The following PPM1L variants were observed in gnomAD, a reference collection of about 807,000 sequenced individuals.
PPM1L encodes protein phosphatase 1L.
A neutral mutation model predicts 31.4 loss-of-function variants in PPM1L; 13 were observed. The observed-to-expected ratio is 0.41, with a 90% confidence interval of 0.27 to 0.66. The LOEUF is 0.66. Ranked by LOEUF, PPM1L falls within the 30% of genes least tolerant of loss-of-function variation. The pLI is 0.29. For missense variants in PPM1L, 326 were observed against 453.7 expected, an observed-to-expected ratio of 0.72 and a Z score of 2.56; for synonymous variants, 184 against 175.4, an observed-to-expected ratio of 1.05 and a Z score of -0.39.
In PPM1L at chr3:160,794,749, T is replaced by TA. The variant is rs1313489718; in HGVS notation, c.399+38046dup. ...AAGAAGAATTGTCTTGGGCCACACA[T>TA]AAAATACGCTAACATGATAGCTGGT... On this transcript the variant is annotated intron_variant, in intron 1 of 3. Coordinates refer to ENST00000498165, the MANE Select transcript of PPM1L (RefSeq NM_139245.4). Among the ~76,000 whole-genome samples the TA allele has an allele frequency of 5.9e-5, 9 of 152,102 alleles. No homozygotes were observed. The East Asian group carries it at 1.7e-3, about 29-fold the overall frequency.
intron 1 of PPM1L, among the ~76,000 whole-genome samples, chr3:160,909,618 A>C (rs1172554609): frequency 6.6e-6 from 1 of 152,070 alleles, no homozygotes; most frequent in Non-Finnish European, 1.5e-5. Flanking sequence ...TTAAGGAGGG[A>C]GTTTAGCGTG....
At position 161,002,458 on chromosome 3, in the gene PPM1L, C is replaced by T. The variant is rs370351063; in HGVS notation, c.574+40548C>T. 5.0e-3 allele frequency among the ~76,000 whole-genome samples: 760 copies of T among 152,182 alleles called. 6 individuals are homozygous for T. The highest frequency in any genetic ancestry group is 0.014 in the Middle Eastern group (4 of 294). ...AACTAGTTTACAGTCCCACCAACAG[C>T]GTAAAAGTGTTCCTATTTCTCCACA... On this transcript the variant is annotated intron_variant, in intron 2 of 3. Transcript: ENST00000498165.
At chr3:160,782,911 T>C (rs1048307267) in intron 1 of PPM1L, among the ~76,000 whole-genome samples, 1 of 152,244 alleles carries the variant, frequency 6.6e-6, no homozygotes. Context: ...TGTGTTATTC[T>C]TTATTTTAAT....
chr3:160,915,566 G>A (rs1714139687), intron 1 of PPM1L, among the ~76,000 whole-genome samples: 1 of 152,126 alleles, frequency 6.6e-6, no homozygotes, highest in Non-Finnish European at 1.5e-5. Flanking sequence ...CTACTTTAAA[G>A]TTCATATGGA....
At chr3:160,764,858 G>A (rs1284199646) in intron 1 of PPM1L, among the ~76,000 whole-genome samples, 2 of 152,112 alleles carry the variant, frequency 1.3e-5, no homozygotes, top group Non-Finnish European at 2.9e-5. Context: ...TTACTCAACT[G>A]CTTCCTTATT....
chr3:160,853,065 G>A (rs2108114597), intron 1 of PPM1L, among the ~76,000 whole-genome samples: 1 of 152,220 alleles, frequency 6.6e-6, no homozygotes, highest in African/African-American at 2.4e-5. Context: ...GGTAGCTTCT[G>A]GCATTCCTTG....
intron 2 of PPM1L, among the ~76,000 whole-genome samples, chr3:160,985,423 T>G (rs887971303): frequency 2.0e-5 from 3 of 152,252 alleles, no homozygotes; most frequent in African/African-American, 7.2e-5. Context: ...CATTAACATG[T>G]GGTTGGACCA....
chr3:160,766,303 G>T (rs1560101706), intron 1 of PPM1L, among the ~76,000 whole-genome samples: 1 of 152,064 alleles, frequency 6.6e-6, no homozygotes, highest in African/African-American at 2.4e-5. Context: ...TCTGGGTCTG[G>T]GTCCCCACCG....
intron 1 of PPM1L, among the ~76,000 whole-genome samples, chr3:160,844,604 A>AGT (rs935195744): frequency 6.6e-5 from 10 of 152,080 alleles, no homozygotes; most frequent in African/African-American, 2.4e-4. Flanking sequence ...GCAGAGGAAA[A>AGT]GTTTTTAATC....
intron 2 of PPM1L, among the ~76,000 whole-genome samples, chr3:161,019,396 C>T (rs1266042151): frequency 6.6e-6 from 1 of 152,100 alleles, no homozygotes; most frequent in Non-Finnish European, 1.5e-5. Flanking sequence ...TAGGGTCTCA[C>T]TATGTTGTCC....
intron 1 of PPM1L, among the ~76,000 whole-genome samples, chr3:160,841,263 A>G (rs1014069729): frequency 6.6e-6 from 1 of 152,092 alleles, no homozygotes; most frequent in Admixed American, 6.5e-5. Context: ...ATTAAGACCC[A>G]TTCCAGAACC....
At chr3:160,904,629 T>C (rs1399616705) in intron 1 of PPM1L, among the ~76,000 whole-genome samples, 4 of 152,118 alleles carry the variant, frequency 2.6e-5, no homozygotes, top group African/African-American at 9.7e-5. Context: ...AAGGTATCAG[T>C]GCTACATTAT....
At chr3:160,995,201 T>G (rs780358368) in intron 2 of PPM1L, among the ~76,000 whole-genome samples, 1 of 152,160 alleles carries the variant, frequency 6.6e-6, no homozygotes, top group African/African-American at 2.4e-5. Context: ...AATTATGGAA[T>G]GTGAGGAAGT....
chr3:160,842,254 C>T (rs1713906232), intron 1 of PPM1L: 1 of 702,230 alleles, frequency 1.4e-6, no homozygotes. Context: ...GTGCCATTAG[C>T]AGAGAGGGCT....
chr3:160,923,752 A>G (rs1308691815), intron 1 of PPM1L, among the ~76,000 whole-genome samples: 1 of 152,254 alleles, frequency 6.6e-6, no homozygotes. Flanking sequence ...TGCATTTGAT[A>G]TGCCCCAAGA....
chr3:161,032,544 A>G (rs1338016008), intron 2 of PPM1L, among the ~76,000 whole-genome samples: 1 of 152,178 alleles, frequency 6.6e-6, no homozygotes, highest in Non-Finnish European at 1.5e-5. Flanking sequence ...GTGTTCAACT[A>G]ACACCTAGGA....
intron 1 of PPM1L, among the ~76,000 whole-genome samples, chr3:160,769,496 G>A (rs111729367): frequency 0.017 from 2,524 of 152,212 alleles, 68 homozygotes; most frequent in African/African-American, 0.057. Context: ...ACTAGTAGGT[G>A]TTAGGTTGGT....
chr3:160,909,390 A>G (rs9844267), intron 1 of PPM1L, among the ~76,000 whole-genome samples: 40,162 of 152,028 alleles, frequency 0.26, 5,598 homozygotes, highest in East Asian at 0.51. Context: ...GTTACCTAAG[A>G]GACAGTAGAA....
intron 2 of PPM1L, among the ~76,000 whole-genome samples, chr3:160,969,299 G>T (rs1716247817): frequency 6.6e-6 from 1 of 152,186 alleles, no homozygotes; most frequent in South Asian, 2.1e-4. Flanking sequence ...AGCAGCTTAG[G>T]AAGTAGCTGG....
Sources: allele counts gnomAD v4.1 joint callset (sites outside exome capture counted in the v4.1 genomes callset), GRCh38; gene constraint gnomAD v4.1.1; transcripts MANE v1.5; gene names NCBI Gene and HGNC (gene_info 2026-07-23, HGNC 2026-07-21).